PHACTR2: variants seen among roughly 807,000 people sequenced by gnomAD.
PHACTR2 encodes chromosome 6 open reading frame 56.
PHACTR2 carries 30 observed loss-of-function variants against 76.0 expected under a neutral mutation model. The observed-to-expected ratio is 0.39, with a 90% CI of 0.30 to 0.54. PHACTR2 has a LOEUF of 0.54. PHACTR2 is among the 20% of genes least tolerant of loss of function. The pLI, the probability that PHACTR2 is intolerant of heterozygous loss-of-function variation, is 0.61. For synonymous variants in PHACTR2, 292 were observed against 292.5 expected (o/e 1.00, Z 0.02); for missense variants, 696 against 781.1 (o/e 0.89, Z 1.30).
chr6:143,676,227 G>T (rs1401943534), upstream of PHACTR2, among the ~76,000 whole-genome samples: 4 of 152,278 alleles, frequency 2.6e-5, no homozygotes, highest in East Asian at 7.7e-4. This position sits in a 1 kb window ranked among gnomAD's most constrained non-coding sequence, Gnocchi z 4.8. Flanking sequence ...AGCAAATCAT[G>T]AAAGGTCTTG....
Position 143,709,646 on chromosome 6 carries a change from C to T in PHACTR2, c.47-2370C>T, listed in dbSNP as rs1388790837. On this transcript the variant is annotated intron_variant, in intron 1 of 12. Transcript: ENST00000440869. The surrounding 1 kb of genome is among the most constrained non-coding windows in gnomAD (Gnocchi z 4.4). ...TAAAAATCCCATTTCTCCACCTGTC[C>T]TCTGTTGACATGCTGTGTATGTGTG... is the stretch of plus-strand genomic sequence containing the variant. Among the ~76,000 whole-genome samples, 1 of 152,118 alleles carries T rather than the reference C, an allele frequency of 6.6e-6. No individual in the cohort carries two copies. Among genetic ancestry groups the T allele is most frequent in the East Asian group, 1.9e-4 (1 of 5,184 alleles).
chr6:143,728,811 G>A (rs1778635298), intron 2 of PHACTR2, among the ~76,000 whole-genome samples: 1 of 152,046 alleles, frequency 6.6e-6, no homozygotes, highest in African/African-American at 2.4e-5. Context: ...AGACACCTAT[G>A]TCTCACAGTA....
At chr6:143,752,842 T>G (rs1032608909) in intron 3 of PHACTR2, among the ~76,000 whole-genome samples, 1 of 152,210 alleles carries the variant, frequency 6.6e-6, no homozygotes, top group African/African-American at 2.4e-5. Context: ...TCTTTTACAA[T>G]GCTAGCAAAG....
At chr6:143,692,332 A>T (rs1777663520) in intron 1 of PHACTR2, among the ~76,000 whole-genome samples, 1 of 152,226 alleles carries the variant, frequency 6.6e-6, no homozygotes, top group Non-Finnish European at 1.5e-5. Context: ...CAACCTGTTT[A>T]TGAAAGAGCC....
intron 2 of PHACTR2, among the ~76,000 whole-genome samples, chr6:143,747,631 G>C (rs958218863): frequency 3.3e-5 from 5 of 152,190 alleles, no homozygotes; most frequent in Non-Finnish European, 7.3e-5. Flanking sequence ...GGGAACGTCA[G>C]AAATCTCGTG....
At position 143,599,547 on chromosome 6, in the gene PHACTR2, C is replaced by G. The variant is rs1020157277; in HGVS notation, c.217+62340C>G. ...TCAATACATGTTTGATAAGAAGTAA[C>G]CCAACTTAACAAATGTCGTATTACT... On this transcript the variant is annotated intron_variant, in intron 1 of 11. Transcript: ENST00000367584. This position sits in a 1 kb window ranked among gnomAD's most constrained non-coding sequence, Gnocchi z 4.6. Among the ~76,000 whole-genome samples the G allele has an allele frequency of 6.6e-6, 1 of 152,068 alleles. No individual in the cohort carries two copies. Among genetic ancestry groups the G allele is most frequent in the Non-Finnish European group, 1.5e-5 (1 of 68,010 alleles).
rs1775977575 is a variant in PHACTR2 at position 143,611,697 on chromosome 6, G to A, written c.13+3375G>A. 6.6e-6 allele frequency among the ~76,000 whole-genome samples: 1 copy of A among 152,186 alleles called. No homozygotes were observed. The highest frequency in any genetic ancestry group is 1.5e-5 in the Non-Finnish European group (1 of 68,026). ...AGAGAGTCATCAAAAGATTGAAGCA[G>A]GTTGCTTTATGAACAAATAAATATA... On this transcript the variant is annotated intron_variant, in intron 1 of 11. Coordinates refer to the PHACTR2 transcript ENST00000305766. The surrounding 1 kb of genome is among the most constrained non-coding windows in gnomAD (Gnocchi z 4.4).
chr6:143,718,457 C>G (rs1778351833), intron 2 of PHACTR2, among the ~76,000 whole-genome samples: 1 of 152,230 alleles, frequency 6.6e-6, no homozygotes. Context: ...TACTTTCGAC[C>G]ATTCACTAGT....
chr6:143,779,581 T>C (rs1386619899), intron 9 of PHACTR2, among the ~76,000 whole-genome samples: 3 of 152,070 alleles, frequency 2.0e-5, no homozygotes, highest in Admixed American at 6.6e-5. Context: ...AACTCCTGAC[T>C]TCGTGATTCG....
chr6:143,705,358 A>G (rs9496747), intron 1 of PHACTR2, among the ~76,000 whole-genome samples: 3,188 of 142,480 alleles, frequency 0.022, 109 homozygotes, highest in African/African-American at 0.073. Context: ...GCAGTGGCGC[A>G]ATCTTGGTTC....
intron 11 of PHACTR2, among the ~76,000 whole-genome samples, chr6:143,802,885 A>G (rs1775989470): frequency 6.6e-6 from 1 of 152,158 alleles, no homozygotes; most frequent in Admixed American, 6.5e-5. Flanking sequence ...AAAAATAAGC[A>G]TTCTATTTCT....
rs185283557 is a variant in PHACTR2 at position 143,744,879 on chromosome 6, T to C, written c.215-4106T>C. ...AGAGTGTGCGCTGCTGTTATCAGAA[T>C]TGAACTGTCAAAACATCAATTAGCC... On this transcript the variant is annotated intron_variant, in intron 2 of 12. Coordinates refer to ENST00000440869, the MANE Select transcript of PHACTR2 (RefSeq NM_001100164.2). Among the ~76,000 whole-genome samples, 41 of 152,318 alleles carry C rather than the reference T, an allele frequency of 2.7e-4. 2 individuals are homozygous for C. The South Asian group carries it at 7.0e-3, about 26-fold the overall frequency.
In PHACTR2 at chr6:143,776,249, G is replaced by T. The variant is rs577619580; in HGVS notation, c.1590-1079G>T. Among the ~76,000 whole-genome samples the T allele has an allele frequency of 5.8e-4, 89 of 152,142 alleles. 1 individual carries two copies. In the East Asian group the frequency reaches 9.6e-3, roughly 16 times the overall value. On this transcript the variant is annotated intron_variant, in intron 8 of 12. Transcript: ENST00000440869. The surrounding 1 kb of genome is among the most constrained non-coding windows in gnomAD (Gnocchi z 5.3). ...TTAACCTTACTGTGCTAAAAGTCTG[G>T]TCACAATTATTTGTGGTGAAGAAAA...
At chr6:143,701,755 G>T (rs540099776) in intron 1 of PHACTR2, among the ~76,000 whole-genome samples, 1 of 152,214 alleles carries the variant, frequency 6.6e-6, no homozygotes, top group Non-Finnish European at 1.5e-5. Flanking sequence ...TCGCAGGGTT[G>T]TAGTAATGAT....
intron 1 of PHACTR2, among the ~76,000 whole-genome samples, chr6:143,693,984 A>G (rs1001937958): frequency 2.6e-5 from 4 of 152,082 alleles, no homozygotes; most frequent in African/African-American, 9.7e-5. Context: ...TGGGAGGATC[A>G]CCCGAACCCA....
At chr6:143,674,341 A>C (rs1370152742), upstream of PHACTR2, among the ~76,000 whole-genome samples, 1 of 152,196 alleles carries the variant, frequency 6.6e-6, no homozygotes, top group Non-Finnish European at 1.5e-5. The surrounding 1 kb of genome is among the most constrained non-coding windows in gnomAD (Gnocchi z 4.9). Context: ...CAAATAGTTA[A>C]AACAACTTTT....
At position 143,547,052 on chromosome 6, in the gene PHACTR2, A is replaced by G. The variant is rs1459223935; in HGVS notation, c.217+9845A>G. On this transcript the variant is annotated intron_variant, in intron 1 of 11. Transcript: ENST00000367584. The surrounding 1 kb of genome is among the most constrained non-coding windows in gnomAD (Gnocchi z 4.2). ...ACCCCATCTAAAAAAAAAAAAGAATATGGCTTATGGTTAGTAAGTGTTATA... is the reference window on the plus strand; with the variant it reads ...ACCCCATCTAAAAAAAAAAAAGAATGTGGCTTATGGTTAGTAAGTGTTATA... 6.6e-6 allele frequency among the ~76,000 whole-genome samples: 1 copy of G among 151,830 alleles called. No homozygotes were observed. The highest frequency in any genetic ancestry group is 1.5e-5 in the Non-Finnish European group (1 of 67,974).
At chr6:143,559,690 C>CTT (rs5880566) in intron 1 of PHACTR2, among the ~76,000 whole-genome samples, 1 of 31,904 alleles carries the variant, frequency 3.1e-5, no homozygotes, top group African/African-American at 1.3e-4. Context: ...TTTTTCTTTT[C>CTT]TTTTTTTTTT....
intron 1 of PHACTR2, chr6:143,711,696 G>T (rs888347514): frequency 1.9e-6 from 1 of 516,260 alleles, no homozygotes; most frequent in South Asian, 1.6e-5. Context: ...CTCTATTCCT[G>T]TACAAAATAT....
Sources: allele counts gnomAD v4.1 joint callset (sites outside exome capture counted in the v4.1 genomes callset), GRCh38; gene constraint gnomAD v4.1.1; non-coding constraint Gnocchi (gnomAD v3.1); transcripts MANE v1.5; gene names NCBI Gene and HGNC (gene_info 2026-07-23, HGNC 2026-07-21).